SDK1: variants seen among roughly 807,000 people sequenced by gnomAD.
SDK1 encodes sidekick cell adhesion molecule 1.
A neutral mutation model predicts 245.5 loss-of-function variants in SDK1; 157 were observed. That is an observed-to-expected ratio of 0.64 (90% CI 0.56 to 0.73). The LOEUF (loss-of-function observed/expected upper bound fraction) is 0.73, where lower values mean the gene tolerates loss of function less well. Among genes scored for constraint, SDK1 ranks in the 30% least tolerant of loss-of-function variants. The pLI, the probability that SDK1 is intolerant of heterozygous loss-of-function variation, is 0.00. For missense variants in SDK1, 3,583 were observed against 3,002.3 expected (o/e 1.19, Z -4.52); for synonymous variants, 1,647 against 1,278.5 (o/e 1.29, Z -6.15).
At chr7:3,803,966 A>G (rs1253249224) in intron 4 of SDK1, among the ~76,000 whole-genome samples, 2 of 151,938 alleles carry the variant, frequency 1.3e-5, no homozygotes, top group South Asian at 2.1e-4. Flanking sequence ...GGGTTTCACC[A>G]TGTTAGCCAG....
chr7:3,772,627 C>A (rs1780436039), intron 4 of SDK1, among the ~76,000 whole-genome samples: 1 of 152,168 alleles, frequency 6.6e-6, no homozygotes, highest in Non-Finnish European at 1.5e-5. Flanking sequence ...TAAAATAATA[C>A]TAGCTTTTAC....
chr7:3,947,880 C>G (rs1262925393), intron 5 of SDK1, among the ~76,000 whole-genome samples: 1 of 151,930 alleles, frequency 6.6e-6, no homozygotes, highest in Non-Finnish European at 1.5e-5. Context: ...ACATGGAGCT[C>G]AAAACTAAGA....
intron 1 of SDK1, among the ~76,000 whole-genome samples, chr7:3,597,824 A>G (rs1054281924): frequency 2.0e-5 from 3 of 152,176 alleles, no homozygotes; most frequent in Non-Finnish European, 4.4e-5. Flanking sequence ...TGAGTTTACC[A>G]GTTTGTTTCT....
At chr7:4,046,879 T>G (rs1171328224) in intron 17 of SDK1, among the ~76,000 whole-genome samples, 1 of 151,904 alleles carries the variant, frequency 6.6e-6, no homozygotes, top group East Asian at 1.9e-4. Flanking sequence ...TGGAGTGCAG[T>G]GTAGCTGGGA....
At chr7:3,466,088 A>C (rs80199498) in intron 1 of SDK1, among the ~76,000 whole-genome samples, 4 of 152,004 alleles carry the variant, frequency 2.6e-5, no homozygotes, top group African/African-American at 9.7e-5. Flanking sequence ...GTTTTGTTAC[A>C]GGATATGCCT....
chr7:4,093,899 G>A (rs1408250816), intron 22 of SDK1, among the ~76,000 whole-genome samples: 1 of 152,130 alleles, frequency 6.6e-6, no homozygotes, highest in Admixed American at 6.5e-5. Context: ...CACGTCCTTG[G>A]TCCAAAGCCT....
intron 1 of SDK1, among the ~76,000 whole-genome samples, chr7:3,486,242 A>G (rs1322425339): frequency 6.6e-6 from 1 of 150,780 alleles, no homozygotes; most frequent in Non-Finnish European, 1.5e-5. Flanking sequence ...GTTAAATTTT[A>G]AATCTTTAAT....
At chr7:4,209,114 T>G (rs1784387560) in intron 37 of SDK1, among the ~76,000 whole-genome samples, 1 of 152,214 alleles carries the variant, frequency 6.6e-6, no homozygotes, top group African/African-American at 2.4e-5. Flanking sequence ...TCTCATGTGC[T>G]GACCACAACC....
intron 1 of SDK1, among the ~76,000 whole-genome samples, chr7:3,506,258 G>T (rs7800962): frequency 6.6e-6 from 1 of 151,736 alleles, no homozygotes; most frequent in Admixed American, 6.6e-5. Flanking sequence ...GGATTCCAGG[G>T]TGATAGTTTT....
Position 3,363,421 on chromosome 7 carries a change from A to G in SDK1, c.298+61537A>G, listed in dbSNP as rs547286133. Among the ~76,000 whole-genome samples, 4 of 152,286 alleles carry G rather than the reference A, an allele frequency of 2.6e-5. No homozygotes were observed. The South Asian group carries it at 6.2e-4, about 24-fold the overall frequency. On this transcript the variant is annotated intron_variant, in intron 1 of 44. Transcript: ENST00000404826. ...TTCGGTGGTTACAAATAAAGTCGCT[A>G]TAAACATTTGTCTATAGATTTTATT...
At chr7:4,003,991 C>T (rs1322151556) in intron 14 of SDK1, among the ~76,000 whole-genome samples, 1 of 152,240 alleles carries the variant, frequency 6.6e-6, no homozygotes, top group Non-Finnish European at 1.5e-5. Context: ...GTGGAGTTTG[C>T]ACAAGGAGCA....
intron 5 of SDK1, among the ~76,000 whole-genome samples, chr7:3,851,269 G>C (rs1006930308): frequency 1.3e-5 from 2 of 152,042 alleles, no homozygotes; most frequent in African/African-American, 4.8e-5. Context: ...ACATGATATA[G>C]TCTTTTTTAA....
intron 25 of SDK1, among the ~76,000 whole-genome samples, chr7:4,115,608 C>T (rs1243194599): frequency 1.3e-5 from 2 of 152,202 alleles, no homozygotes; most frequent in Admixed American, 6.5e-5. Context: ...CATGAGTCCT[C>T]CTTTCCTTGG....
intron 12 of SDK1, 87 bp from the exon 13 acceptor site, chr7:3,974,282 A>G: frequency 2.8e-6 from 3 of 1,070,444 alleles, no homozygotes; most frequent in Non-Finnish European, 2.7e-6. Flanking sequence ...CAAGATTGTT[A>G]GTTGCTTGCT....
rs1758694341 is a variant in SDK1, at chr7:3,837,841, A to G, written c.847+16258A>G. Reference sequence around the variant, plus strand: ...CTACTGTATTGAGCAGGACAGTTTTATAAAAATGCATAGCATTTTGCATAC... The same window carrying G: ...CTACTGTATTGAGCAGGACAGTTTTGTAAAAATGCATAGCATTTTGCATAC... On this transcript the variant is annotated intron_variant, in intron 5 of 44. Transcript: ENST00000404826. Among the ~76,000 whole-genome samples, 3 of 152,206 alleles carry G rather than the reference A, an allele frequency of 2.0e-5. No individual in the cohort carries two copies. In the South Asian group the frequency reaches 6.2e-4, roughly 32 times the overall value.
chr7:3,401,363 T>G (rs1202146839), intron 1 of SDK1, among the ~76,000 whole-genome samples: 1 of 152,202 alleles, frequency 6.6e-6, no homozygotes, highest in Non-Finnish European at 1.5e-5. Flanking sequence ...CTGTTTACTG[T>G]GTGACAAGAG....
At chr7:4,016,453 A>T (rs1413074670) in intron 16 of SDK1, among the ~76,000 whole-genome samples, 1 of 152,258 alleles carries the variant, frequency 6.6e-6, no homozygotes, top group Non-Finnish European at 1.5e-5. Context: ...ACATATGCTA[A>T]TCAAAATAAT....
intron 41 of SDK1, 22 bp downstream of exon 41, chr7:4,233,441 T>G (rs1562463508): frequency 1.7e-5 from 27 of 1,605,052 alleles, no homozygotes; most frequent in Non-Finnish European, 2.0e-5. Context: ...CAGGGAGGTC[T>G]GTCTTCTTCT....
At chr7:4,260,444 A>G (rs1787914362) in intron 44 of SDK1, among the ~76,000 whole-genome samples, 1 of 137,504 alleles carries the variant, frequency 7.3e-6, no homozygotes, top group South Asian at 2.5e-4. Flanking sequence ...CTGATGGAGA[A>G]GCTGGCTGCT....
Sources: allele counts gnomAD v4.1 joint callset (sites outside exome capture counted in the v4.1 genomes callset), GRCh38; gene constraint gnomAD v4.1.1; transcripts MANE v1.5; gene names NCBI Gene and HGNC (gene_info 2026-07-23, HGNC 2026-07-21).